The following OXA1L variants were observed in gnomAD, a reference collection of about 807,000 sequenced individuals.
OXA1L encodes the protein OXA1L mitochondrial inner membrane insertase.
In OXA1L, 42 loss-of-function variants were observed where a neutral mutation model predicts 52.2. The observed-to-expected ratio is 0.80, with a 90% CI of 0.63 to 1.04. OXA1L has a LOEUF of 1.04. OXA1L is among the 50% of genes least tolerant of loss of function. The pLI is 0.00. For missense variants in OXA1L, 572 were observed against 555.0 expected (o/e 1.03, Z -0.31); for synonymous variants, 239 against 201.9 (o/e 1.18, Z -1.56).
chr14:22,771,644 C>A lies in OXA1L; in HGVS notation c.*86C>A. On this transcript the variant is annotated 3_prime_UTR_variant, in exon 10 of 10. Coordinates refer to ENST00000612549, the MANE Select transcript of OXA1L (RefSeq NM_005015.5). ...AAGACTTGACACTGTGTCCTTGCCCCAGTCCTAGGAACTGTGGCACACAGA... is the reference window on the plus strand; with the variant it reads ...AAGACTTGACACTGTGTCCTTGCCCAAGTCCTAGGAACTGTGGCACACAGA... The A allele has an allele frequency of 1.4e-6, 2 of 1,385,518 alleles. No homozygotes were observed. The highest frequency in any genetic ancestry group is 2.0e-6 in the Non-Finnish European group (2 of 978,450). 85.8% of individuals were successfully genotyped at this position (1,385,518 alleles called of 1,614,324 possible).
At chr14:22,770,101 T>G in intron 4 of OXA1L, 92 bp from the exon 5 acceptor site, 1 of 1,351,548 alleles carries the variant, frequency 7.4e-7, no homozygotes, top group African/African-American at 1.4e-5. Context: ...CCAGGGTTGG[T>G]TAGAAATTTC....
chr14:22,769,792 TAC>T lies in OXA1L; in HGVS notation c.443_444del (p.Thr148SerfsTer46). ...CCAATCCTAGTTTGTATTTTCCAGG[TAC>T]AGTCTTTGCCCGCTGCCTGATTTTT... ...LPWWGAIAAC[T>X]VFARCLIFPL... is the part of the protein sequence containing the mutation. On this transcript the variant is annotated frameshift_variant and splice_region_variant, in exon 4 of 10. Transcript: ENST00000612549. LOFTEE classifies it high-confidence loss of function. The T allele has an allele frequency of 6.2e-7, 1 of 1,614,156 alleles. No individual in the cohort carries two copies. Among genetic ancestry groups the T allele is most frequent in the Non-Finnish European group, 8.5e-7 (1 of 1,180,022 alleles).
rs1330864294 is a variant in OXA1L at position 22,773,008 on chromosome 14, A to T, written c.*1450A>T. 1 of 259,112 alleles carries T rather than the reference A, an allele frequency of 3.9e-6. No individual in the cohort carries two copies. The highest frequency in any genetic ancestry group is 7.5e-6 in the Non-Finnish European group (1 of 133,598). 16.1% of individuals were successfully genotyped at this position (259,112 alleles called of 1,614,324 possible). ...CTGTCTCAAAAAGGAAGTTCATGTCATTTTTATGTAACAATCCAACATTTG... is the reference window on the plus strand; with the variant it reads ...CTGTCTCAAAAAGGAAGTTCATGTCTTTTTTATGTAACAATCCAACATTTG... On this transcript the variant is annotated 3_prime_UTR_variant, in exon 10 of 10. Transcript: ENST00000612549.
chr14:22,772,518 A>AAAAAAAAG lies in OXA1L; in HGVS notation c.*961_*962insAAAAAAGA. ...AAAAAAAAAAAAAAAAAAAAAAAAA[A>AAAAAAAAG]ACAGTTTAAACTTCCAACCCATGCA... On this transcript the variant is annotated 3_prime_UTR_variant, in exon 10 of 10. Transcript: ENST00000612549. 1 of 121,862 alleles carries AAAAAAAAG rather than the reference A, an allele frequency of 8.2e-6. No homozygotes were observed. The highest frequency in any genetic ancestry group is 1.7e-5 in the Non-Finnish European group (1 of 58,292). 7.5% of individuals were successfully genotyped at this position (121,862 alleles called of 1,614,324 possible).
At chr14:22,768,496 G>A (rs2038430061) in intron 3 of OXA1L, 1 of 320,642 alleles carries the variant, frequency 3.1e-6, no homozygotes, top group Non-Finnish European at 6.1e-6. Flanking sequence ...CCCTAAATTG[G>A]GAAGCCACTA....
chr14:22,770,980 A>G, intron 7 of OXA1L, 38 bp from the exon 8 acceptor site: 1 of 1,613,254 alleles, frequency 6.2e-7, no homozygotes, highest in Non-Finnish European at 8.5e-7. Flanking sequence ...CTGACCAGGG[A>G]TACAGCTTCT....
intron 2 of OXA1L, 146 bp downstream of exon 2, chr14:22,767,555 A>C (rs2038420317): frequency 1.5e-6 from 1 of 648,610 alleles, no homozygotes; most frequent in African/African-American, 1.8e-5. Context: ...ATCTCTGCTT[A>C]GGATGGATTT....
At position 22,771,678 on chromosome 14, in the gene OXA1L, T is replaced by C. The variant is rs2038467271; in HGVS notation, c.*120T>C. 1 of 1,052,456 alleles carries C rather than the reference T, an allele frequency of 9.5e-7. No individual in the cohort carries two copies. Among genetic ancestry groups the C allele is most frequent in the African/African-American group, 1.6e-5 (1 of 63,258 alleles). 65.2% of individuals were successfully genotyped at this position (1,052,456 alleles called of 1,614,324 possible). The stretch of plus-strand genomic sequence containing the variant: ...GAACTGTGGCACACAGAGATGTTCA[T>C]TTTAAAAACGGATTTCATGAAACAC... On this transcript the variant is annotated 3_prime_UTR_variant, in exon 10 of 10. Coordinates refer to ENST00000612549, the MANE Select transcript of OXA1L (RefSeq NM_005015.5).
intron 1 of OXA1L, 191 bp downstream of exon 1, chr14:22,766,955 C>G: frequency 1.3e-6 from 2 of 1,519,232 alleles, no homozygotes; most frequent in South Asian, 2.4e-5. Context: ...CCGGTGTCAG[C>G]TTCTGGAATT....
Position 22,767,373 on chromosome 14 carries a change from C to T in OXA1L, c.189C>T (p.Ser63=), listed in dbSNP as rs372116772. Residue 63 remains serine (S), a synonymous_variant, in exon 2 of 10, where the codon AGC becomes AGT. Transcript: ENST00000612549. Reference sequence around the variant, plus strand: ...TCCTTGCGGCTTCCGGCCCCCGCAGCCTCAGTACCTCTGCTATCTCTTTTG... The same window carrying T: ...TCCTTGCGGCTTCCGGCCCCCGCAGTCTCAGTACCTCTGCTATCTCTTTTG... The part of the protein sequence containing the change: ...YLFLAASGPR[S]LSTSAISFAE... 10 of 1,613,516 alleles carry T rather than the reference C, an allele frequency of 6.2e-6. No individual in the cohort carries two copies. Among genetic ancestry groups the T allele is most frequent in the Non-Finnish European group, 8.5e-6 (10 of 1,179,746 alleles).
rs1268840590 is a variant in OXA1L, at chr14:22,767,417, GC to G, written c.225+10del. On this transcript the variant is annotated intron_variant, in intron 2 of 9. Transcript: ENST00000612549. ...TCTTTTGCAGAAGTCCAGGTAAGAG[GC>G]CTTTCGTTCCTGCAATATTAGGAGT... The G allele has an allele frequency of 6.3e-7, 1 of 1,588,142 alleles. No homozygotes were observed. The highest frequency in any genetic ancestry group is 8.5e-7 in the Non-Finnish European group (1 of 1,170,364).
intron 2 of OXA1L, 109 bp downstream of exon 2, chr14:22,767,518 C>T: frequency 1.2e-6 from 1 of 861,606 alleles, no homozygotes; most frequent in Non-Finnish European, 1.8e-6. Context: ...CTTGTCCACG[C>T]TCCACACAGC....
chr14:22,770,184 A>G lies in OXA1L; in HGVS notation c.584-9A>G. 1 of 1,590,150 alleles carries G rather than the reference A, an allele frequency of 6.3e-7. No individual in the cohort carries two copies. Among genetic ancestry groups the G allele is most frequent in the Middle Eastern group, 1.7e-4 (1 of 6,020 alleles). ...TTACCCCAACCATTAATTTCCCCTCACCTCACAGATTACAAGGCTTCCTCG... is the reference window on the plus strand; with the variant it reads ...TTACCCCAACCATTAATTTCCCCTCGCCTCACAGATTACAAGGCTTCCTCG... On this transcript the variant is annotated splice_polypyrimidine_tract_variant and intron_variant, in intron 4 of 9. Coordinates refer to ENST00000612549, the MANE Select transcript of OXA1L (RefSeq NM_005015.5).
In OXA1L at chr14:22,771,656, C is replaced by A; in HGVS notation, c.*98C>A. 8.1e-7 allele frequency: 1 copy of A among 1,230,166 alleles called. No homozygotes were observed. 76.2% of individuals were successfully genotyped at this position (1,230,166 alleles called of 1,614,324 possible). The stretch of plus-strand genomic sequence containing the variant: ...TGTGTCCTTGCCCCAGTCCTAGGAA[C>A]TGTGGCACACAGAGATGTTCATTTT... On this transcript the variant is annotated 3_prime_UTR_variant, in exon 10 of 10. Transcript: ENST00000612549.
chr14:22,767,544 C>T lies in OXA1L; in HGVS notation c.225+135C>T, dbSNP rs556382566. ...TCCACACAGCTCTCCAAAATGATAG[C>T]ATCTCTGCTTAGGATGGATTTTCAA... On this transcript the variant is annotated intron_variant, in intron 2 of 9. Transcript: ENST00000612549. 3 of 690,776 alleles carry T rather than the reference C, an allele frequency of 4.3e-6. No individual in the cohort carries two copies. The African/African-American group carries it at 5.4e-5, about 12-fold the overall frequency. The allele number at this position is 690,776 out of a possible 1,614,324, so 42.8% of individuals were successfully genotyped here.
In OXA1L at chr14:22,771,319, T is replaced by C. The variant is rs777449450; in HGVS notation, c.1154T>C (p.Met385Thr). ...CAGCTGCGAGAGCGTGAACAACGCA[T>C]GCGGAATCAGTTGGAGCTAGCAGCC... ...TRQLREREQR[M>T]RNQLELAARG... is the part of the protein sequence containing the mutation. Residue 385 changes from methionine to threonine, a missense_variant, in exon 9 of 10, where the codon ATG (methionine) becomes ACG (threonine). By Grantham distance (81) the Met-to-Thr change is moderately conservative (BLOSUM62 -1). Transcript: ENST00000612549. 4.1e-5 allele frequency: 66 copies of C among 1,614,100 alleles called. No homozygotes were observed. The highest frequency in any genetic ancestry group is 5.3e-5 in the Non-Finnish European group (63 of 1,180,014).
chr14:22,770,196 A>G lies in OXA1L; in HGVS notation c.587A>G (p.Tyr196Cys), dbSNP rs763184825. The G allele has an allele frequency of 5.6e-6, 9 of 1,605,348 alleles. No individual in the cohort carries two copies. Among genetic ancestry groups the G allele is most frequent in the Non-Finnish European group, 7.7e-6 (9 of 1,172,150 alleles). ...AKLAGDHIEYYKASSEMALYQ... is the reference protein window; with the variant it reads ...AKLAGDHIEYCKASSEMALYQ... ...TTAATTTCCCCTCACCTCACAGATT[A>G]CAAGGCTTCCTCGGAGATGGCACTT... Residue 196 changes from tyrosine to cysteine, a missense_variant, in exon 5 of 10, where the codon TAC (tyrosine) becomes TGC (cysteine). Tyr to Cys is a radical substitution (Grantham distance 194). Around this residue, in one of 5 missense-constraint regions of OXA1L, gnomAD observed 132 missense variants for 124.0 expected, o/e 1.06. Transcript: ENST00000612549.
chr14:22,770,427 A>G, intron 5 of OXA1L, 34 bp from the exon 6 acceptor site: 2 of 1,605,578 alleles, frequency 1.2e-6, no homozygotes, highest in Non-Finnish European at 1.7e-6. Context: ...TCTCTCTGGT[A>G]AAGCATGCTG....
chr14:22,771,193 C>G lies in OXA1L; in HGVS notation c.1102+13C>G. On this transcript the variant is annotated intron_variant, in intron 8 of 9. Transcript: ENST00000612549. ...AGCTTCAAAAAAGGTAAGGGCTCATCCTCTGTGAAAAAGGACTAGGGAAAG... is the reference window on the plus strand; with the variant it reads ...AGCTTCAAAAAAGGTAAGGGCTCATGCTCTGTGAAAAAGGACTAGGGAAAG... The G allele has an allele frequency of 6.2e-7, 1 of 1,613,680 alleles. No individual in the cohort carries two copies. The highest frequency in any genetic ancestry group is 8.5e-7 in the Non-Finnish European group (1 of 1,179,662).
Sources: gnomAD v4.1 joint callset for allele counts on GRCh38, gnomAD v4.1.1 for gene constraint, gnomAD v4.1.1 regional missense constraint, MANE v1.5 for transcripts, NCBI Gene and HGNC (gene_info 2026-07-23, HGNC 2026-07-21) for gene names.